Variants in AOAH observed in about 807,000 individuals in gnomAD.
The protein encoded by AOAH is acyloxyacyl hydrolase (neutrophil).
Under a neutral mutation model 92.2 loss-of-function variants are expected in AOAH, and 64 were observed. The ratio of observed to expected loss-of-function variants is 0.69; its 90% CI spans 0.57 to 0.86. The LOEUF is 0.86. AOAH is among the 40% of genes least tolerant of loss of function. The probability of loss-of-function intolerance (pLI) is 0.00; values close to 1 mark genes in which losing one functional copy is unlikely to be tolerated. For missense variants in AOAH, 656 were observed against 694.6 expected, an observed-to-expected ratio of 0.94 and a Z score of 0.62; for synonymous variants, 263 against 254.5, an observed-to-expected ratio of 1.03 and a Z score of -0.32.
intron 1 of AOAH, among the ~76,000 whole-genome samples, chr7:36,721,363 A>C (rs1450265297): frequency 6.6e-6 from 1 of 151,984 alleles, no homozygotes; most frequent in Non-Finnish European, 1.5e-5. Context: ...TGCCAACCCC[A>C]CTGCCTTCCT....
intron 2 of AOAH, among the ~76,000 whole-genome samples, chr7:36,678,901 T>C (rs1367023029): frequency 6.6e-6 from 1 of 152,080 alleles, no homozygotes; most frequent in Non-Finnish European, 1.5e-5. Context: ...TGAAGAAAAA[T>C]TTGGCATTTA....
chr7:36,711,825 C>T (rs1174733792), intron 1 of AOAH, among the ~76,000 whole-genome samples: 2 of 152,112 alleles, frequency 1.3e-5, no homozygotes, highest in African/African-American at 4.8e-5. Flanking sequence ...ATGAACCCCA[C>T]CAACCCTGAA....
chr7:36,671,214 A>T (rs1795903700), intron 3 of AOAH, among the ~76,000 whole-genome samples: 1 of 152,182 alleles, frequency 6.6e-6, no homozygotes, highest in Non-Finnish European at 1.5e-5. Flanking sequence ...ATCTGTAATC[A>T]TACTTTTTTT....
chr7:36,685,899 G>A (rs1796973347), intron 2 of AOAH, among the ~76,000 whole-genome samples: 1 of 151,994 alleles, frequency 6.6e-6, no homozygotes, highest in Non-Finnish European at 1.5e-5. Context: ...CAACTTCTCT[G>A]AAAAGACTTT....
At chr7:36,602,877 C>T (rs372037377) in intron 11 of AOAH, among the ~76,000 whole-genome samples, 1 of 152,162 alleles carries the variant, frequency 6.6e-6, no homozygotes, top group Admixed American at 6.5e-5. Flanking sequence ...TCCCCATGAC[C>T]GTGATCATAA....
At chr7:36,517,224 C>CTTTCTTTT (rs1229778638) in intron 20 of AOAH, among the ~76,000 whole-genome samples, 1 of 47,582 alleles carries the variant, frequency 2.1e-5, no homozygotes, top group Non-Finnish European at 5.6e-5. Context: ...CTCTTTCTTT[C>CTTTCTTTT]TGTCTCTCTC....
intron 20 of AOAH, among the ~76,000 whole-genome samples, chr7:36,518,361 C>T (rs1303786387): frequency 6.6e-6 from 1 of 152,162 alleles, no homozygotes; most frequent in Non-Finnish European, 1.5e-5. Flanking sequence ...GCATGCACCA[C>T]CACGCCTGGC....
intron 5 of AOAH, among the ~76,000 whole-genome samples, chr7:36,632,398 C>G (rs56330845): frequency 6.6e-6 from 1 of 152,120 alleles, no homozygotes; most frequent in Admixed American, 6.5e-5. Context: ...CAGGAGGGTC[C>G]GGCAACAGCA....
At chr7:36,613,673 C>G (rs971358302) in intron 11 of AOAH, among the ~76,000 whole-genome samples, 3 of 152,210 alleles carry the variant, frequency 2.0e-5, no homozygotes, top group African/African-American at 7.2e-5. Context: ...TCTGCACCAT[C>G]CAACTTGCAA....
chr7:36,521,748 T>C (rs892480860), intron 20 of AOAH, among the ~76,000 whole-genome samples: 2 of 152,260 alleles, frequency 1.3e-5, no homozygotes, highest in South Asian at 2.1e-4. Context: ...CTGCCCCTTT[T>C]AGCATCGCAC....
At chr7:36,517,729 T>C (rs1246875651) in intron 20 of AOAH, among the ~76,000 whole-genome samples, 2 of 150,658 alleles carry the variant, frequency 1.3e-5, no homozygotes, top group Non-Finnish European at 2.9e-5. Context: ...GCCTCCTGAG[T>C]AGCTGGGATT....
intron 20 of AOAH, among the ~76,000 whole-genome samples, chr7:36,513,933 G>GT (rs1375151045): frequency 6.6e-6 from 1 of 151,308 alleles, no homozygotes; most frequent in Non-Finnish European, 1.5e-5. Context: ...TATGGAATTT[G>GT]TTTTTTCAGT....
chr7:36,548,315 A>G (rs1465865922), intron 15 of AOAH, among the ~76,000 whole-genome samples: 1 of 152,108 alleles, frequency 6.6e-6, no homozygotes, highest in Non-Finnish European at 1.5e-5. Context: ...CCTCTCATGT[A>G]GCTGAGATTA....
At chr7:36,634,402 A>G (rs181185319) in intron 5 of AOAH, among the ~76,000 whole-genome samples, 1 of 152,196 alleles carries the variant, frequency 6.6e-6, no homozygotes, top group East Asian at 1.9e-4. Context: ...TTTTGTTCCA[A>G]TCTAATTACC....
chr7:36,711,830 C>G (rs1325616909), intron 1 of AOAH, among the ~76,000 whole-genome samples: 1 of 152,044 alleles, frequency 6.6e-6, no homozygotes, highest in East Asian at 1.9e-4. Context: ...CCCCACCAAC[C>G]CTGAAACTTC....
At chr7:36,529,002 C>A (rs567696426) in intron 19 of AOAH, among the ~76,000 whole-genome samples, 4 of 152,194 alleles carry the variant, frequency 2.6e-5, no homozygotes, top group African/African-American at 9.6e-5. Context: ...TTTTGCTTAT[C>A]CAAAAGCATA....
intron 1 of AOAH, among the ~76,000 whole-genome samples, chr7:36,719,298 C>T (rs1799467033): frequency 6.6e-6 from 1 of 152,170 alleles, no homozygotes; most frequent in Non-Finnish European, 1.5e-5. Flanking sequence ...TAGTGACTTT[C>T]TCCAGGCATC....
intron 4 of AOAH, among the ~76,000 whole-genome samples, chr7:36,657,820 G>C (rs1249275435): frequency 6.6e-6 from 1 of 152,214 alleles, no homozygotes; most frequent in East Asian, 1.9e-4. Context: ...GTAAACTCTA[G>C]AGAGTATAAA....
chr7:36,697,966 A>G (rs1797821787), intron 1 of AOAH, among the ~76,000 whole-genome samples: 1 of 152,208 alleles, frequency 6.6e-6, no homozygotes, highest in Non-Finnish European at 1.5e-5. Context: ...AGAGGCTAGG[A>G]GAAAGAGGTG....
Sources: allele counts gnomAD v4.1 joint callset (sites outside exome capture counted in the v4.1 genomes callset), GRCh38; gene constraint gnomAD v4.1.1; transcripts MANE v1.5; gene names NCBI Gene and HGNC (gene_info 2026-07-23, HGNC 2026-07-21).